The following ANKRD13C variants were observed in gnomAD, a reference collection of about 807,000 sequenced individuals.
ANKRD13C encodes ankyrin repeat domain-containing protein 13C.
Under a neutral mutation model 65.5 loss-of-function variants are expected in ANKRD13C, and 16 were observed. The observed-to-expected ratio is 0.24, with a 90% CI of 0.17 to 0.37. The LOEUF (loss-of-function observed/expected upper bound fraction) is 0.37, where lower values mean the gene tolerates loss of function less well. ANKRD13C is among the 10% of genes least tolerant of loss of function. ANKRD13C has a pLI of 1.00. For missense variants in ANKRD13C, 503 were observed against 655.9 expected, an observed-to-expected ratio of 0.77 and a Z score of 2.55; for synonymous variants, 235 against 238.7, an observed-to-expected ratio of 0.98 and a Z score of 0.14.
chr1:70,320,605 G>A (rs1681264054), intron 3 of ANKRD13C, among the ~76,000 whole-genome samples: 1 of 152,020 alleles, frequency 6.6e-6, no homozygotes, highest in Non-Finnish European at 1.5e-5. Flanking sequence ...AAAGTGCTGG[G>A]ATTATAGGCA....
chr1:70,265,683 G>A (rs1469940549), intron 12 of ANKRD13C, among the ~76,000 whole-genome samples: 1 of 151,624 alleles, frequency 6.6e-6, no homozygotes, highest in Non-Finnish European at 1.5e-5. Context: ...AAATTAACTG[G>A]GTGTGGTGGC....
intron 2 of ANKRD13C, among the ~76,000 whole-genome samples, chr1:70,334,544 T>C (rs1681935884): frequency 6.6e-6 from 1 of 152,082 alleles, no homozygotes; most frequent in South Asian, 2.1e-4. Context: ...GGAGGATCAC[T>C]TGAGCTCAGG....
chr1:70,324,558 A>T (rs1681451342), intron 3 of ANKRD13C, among the ~76,000 whole-genome samples: 1 of 152,226 alleles, frequency 6.6e-6, no homozygotes, highest in Admixed American at 6.5e-5. Flanking sequence ...ACAGTCAGGT[A>T]TCAATTTTTT....
At chr1:70,327,789 G>A (rs904359695) in intron 2 of ANKRD13C, among the ~76,000 whole-genome samples, 3 of 152,100 alleles carry the variant, frequency 2.0e-5, no homozygotes, top group African/African-American at 7.2e-5. Flanking sequence ...TAAAGGCCAG[G>A]TGCAGTGGCT....
chr1:70,350,399 C>A (rs967167079), intron 1 of ANKRD13C, among the ~76,000 whole-genome samples: 1 of 152,152 alleles, frequency 6.6e-6, no homozygotes, highest in South Asian at 2.1e-4. Context: ...AAATACTTCA[C>A]AAACAATGTG....
intron 9 of ANKRD13C, among the ~76,000 whole-genome samples, chr1:70,278,692 T>C (rs1020715961): frequency 3.9e-5 from 6 of 152,164 alleles, no homozygotes; most frequent in African/African-American, 1.4e-4. Flanking sequence ...TGGTTTTACA[T>C]ATAATTAGTG....
chr1:70,274,488 AAAAAAAAAG>A (rs1050166044), intron 11 of ANKRD13C, among the ~76,000 whole-genome samples: 2 of 148,608 alleles, frequency 1.3e-5, no homozygotes, highest in African/African-American at 5.1e-5. Flanking sequence ...AAAAAAAAAA[AAAAAAAAAG>A]AAAGAAAGAA....
chr1:70,309,046 C>T (rs1680719686), intron 5 of ANKRD13C, among the ~76,000 whole-genome samples: 1 of 150,146 alleles, frequency 6.7e-6, no homozygotes, highest in Admixed American at 6.6e-5. Flanking sequence ...TTCTTTCTTT[C>T]CTTTTTTTTT....
chr1:70,301,583 T>G (rs1273914724), intron 6 of ANKRD13C, among the ~76,000 whole-genome samples: 1 of 152,154 alleles, frequency 6.6e-6, no homozygotes, highest in Admixed American at 6.5e-5. Flanking sequence ...ACTTCTCAGA[T>G]TTGGACTAAT....
intron 4 of ANKRD13C, among the ~76,000 whole-genome samples, chr1:70,314,953 T>C (rs949605263): frequency 2.5e-4 from 38 of 152,048 alleles, no homozygotes; most frequent in African/African-American, 8.0e-4. Context: ...ATAAAGAATA[T>C]ACAGGCCGGG....
chr1:70,347,548 T>C (rs1682583847), intron 1 of ANKRD13C, among the ~76,000 whole-genome samples: 1 of 152,194 alleles, frequency 6.6e-6, no homozygotes, highest in Non-Finnish European at 1.5e-5. Flanking sequence ...TCTATTCCTA[T>C]TGCAGCCCAG....
At position 70,354,176 on chromosome 1, in the gene ANKRD13C, A is replaced by G. The variant is rs765881828; in HGVS notation, c.233T>C (p.Leu78Pro). Reference protein sequence around the residue: ...ASSNPPGAPALPLHNSSVTAN... With the variant: ...ASSNPPGAPAPPLHNSSVTAN... ...AGTCACGGAGGAATTGTGCAGCGGC[A>G]GAGCCGGGGCGCCGGGGGGATTGGA... Residue 78 changes from leucine to proline, a missense_variant, in exon 1 of 13, where the codon CTG (leucine) becomes CCG (proline). Physicochemically the swap from Leu to Pro is moderately conservative, Grantham distance 98. Around this residue, in one of 2 missense-constraint regions of ANKRD13C, gnomAD observed 203 missense variants for 177.6 expected, o/e 1.14. Coordinates refer to ENST00000370944, the MANE Select transcript of ANKRD13C (RefSeq NM_030816.5). 6.2e-7 allele frequency: 1 copy of G among 1,614,112 alleles called. No homozygotes were observed. The highest frequency in any genetic ancestry group is 8.5e-7 in the Non-Finnish European group (1 of 1,180,024).
intron 5 of ANKRD13C, among the ~76,000 whole-genome samples, chr1:70,309,562 A>AG (rs1680748676): frequency 6.7e-6 from 1 of 149,992 alleles, no homozygotes; most frequent in African/African-American, 2.4e-5. Flanking sequence ...ACTAAAAAAA[A>AG]GAAAATACAA....
intron 2 of ANKRD13C, among the ~76,000 whole-genome samples, chr1:70,330,000 G>C (rs1054106495): frequency 2.7e-5 from 4 of 149,284 alleles, no homozygotes; most frequent in Non-Finnish European, 5.9e-5. Context: ...TGAGGCAGGA[G>C]AATCACTTGA....
chr1:70,314,268 G>A (rs1013847869), intron 4 of ANKRD13C, among the ~76,000 whole-genome samples: 2 of 151,806 alleles, frequency 1.3e-5, no homozygotes, highest in Admixed American at 1.3e-4. Flanking sequence ...GCCCAGGTTG[G>A]AGTGTAGTGG....
intron 1 of ANKRD13C, among the ~76,000 whole-genome samples, chr1:70,342,296 T>G (rs1218899050): frequency 1.3e-5 from 2 of 151,970 alleles, no homozygotes; most frequent in African/African-American, 4.8e-5. Flanking sequence ...TCCCAGCACT[T>G]TAGGAGGCAG....
At position 70,262,339 on chromosome 1, in the gene ANKRD13C, G is replaced by A. The variant is rs1678419552; in HGVS notation, c.*378C>T. ...CTTAAGACATTTAATTTACGTTAAT[G>A]GTCCAGGAGTGTTTTAGATATAGAT... On this transcript the variant is annotated 3_prime_UTR_variant, in exon 13 of 13. Coordinates refer to ENST00000370944, the MANE Select transcript of ANKRD13C (RefSeq NM_030816.5). The A allele has an allele frequency of 6.5e-6, 1 of 152,890 alleles. No homozygotes were observed. The highest frequency in any genetic ancestry group is 1.9e-4 in the East Asian group (1 of 5,200). The allele number at this position is 152,890 out of a possible 1,614,324, so 9.5% of individuals were successfully genotyped here. A position where few individuals can be genotyped will look rare whatever the true frequency, so the allele number is the denominator to read the frequency against.
rs1678676073 is a variant in ANKRD13C at position 70,267,397 on chromosome 1, G to T, written c.1495+3459C>A. 3.3e-5 allele frequency among the ~76,000 whole-genome samples: 5 copies of T among 151,956 alleles called. No homozygotes were observed. The South Asian group carries it at 1.0e-3, about 32-fold the overall frequency. ...TTTGTTTTTTTATTGAAACAATCCT[G>T]CTCTGTCACCCAGGCTGGAATGAGT... On this transcript the variant is annotated intron_variant, in intron 12 of 12. Coordinates refer to ENST00000370944, the MANE Select transcript of ANKRD13C (RefSeq NM_030816.5).
At chr1:70,277,707 AG>A (rs1392019245) in intron 9 of ANKRD13C, among the ~76,000 whole-genome samples, 1 of 152,194 alleles carries the variant, frequency 6.6e-6, no homozygotes, top group Non-Finnish European at 1.5e-5. Flanking sequence ...AGAAAATTAA[AG>A]GTAAAAAACA....
Sources: allele counts gnomAD v4.1 joint callset (sites outside exome capture counted in the v4.1 genomes callset), GRCh38; gene constraint gnomAD v4.1.1; regional missense constraint gnomAD v4.1.1; transcripts MANE v1.5; gene names NCBI Gene and HGNC (gene_info 2026-07-23, HGNC 2026-07-21).